Variants in KIAA1210 observed in about 807,000 individuals in gnomAD.
The protein encoded by KIAA1210 is acrosomal protein KIAA1210.
Under a neutral mutation model 78.9 loss-of-function variants are expected in KIAA1210, and 48 were observed. That is an observed-to-expected ratio of 0.61 (90% CI 0.48 to 0.77). The LOEUF is 0.77. Among genes scored for constraint, KIAA1210 ranks in the 30% least tolerant of loss-of-function variants. KIAA1210 has a pLI of 0.00. For missense variants in KIAA1210, 1,108 were observed against 1,100.0 expected, an observed-to-expected ratio of 1.01 and a Z score of -0.10; for synonymous variants, 406 against 404.5, an observed-to-expected ratio of 1.00 and a Z score of -0.04.
At chrX:119,125,732 TATA>T (rs1375692096) in intron 1 of KIAA1210, among the ~76,000 whole-genome samples, 11 of 8,671 alleles carry the variant, frequency 1.3e-3, no homozygotes, top group African/African-American at 1.7e-3. Flanking sequence ...TATATATATA[TATA>T]TTTTTTTTTT....
At chrX:119,084,287 G>T (rs1032709986) in intron 10 of KIAA1210, among the ~76,000 whole-genome samples, 2 of 110,948 alleles carry the variant, frequency 1.8e-5, no homozygotes, top group African/African-American at 6.6e-5. Context: ...TCCACATGTG[G>T]TAGTTAGCCT....
chrX:119,109,945 A>T (rs1272497438), intron 3 of KIAA1210, among the ~76,000 whole-genome samples: 1 of 111,981 alleles, frequency 8.9e-6, no homozygotes, highest in Non-Finnish European at 1.9e-5. Context: ...TGATAATTAC[A>T]TGTTAAGAAA....
In KIAA1210 at chrX:119,078,714, C is replaced by T. The variant is rs1280537870; in HGVS notation, c.*2615G>A. The T allele has an allele frequency of 2.7e-5, 3 of 112,679 alleles. No homozygotes were observed. The highest frequency in any genetic ancestry group is 9.7e-5 in the African/African-American group (3 of 31,062). The allele number at this position is 112,679 out of a possible 1,213,427, so 9.3% of individuals were successfully genotyped here. On this transcript the variant is annotated 3_prime_UTR_variant, in exon 12 of 12. Transcript: ENST00000691062. ...GAAGTAGAAAAGTTGTCAGAATATG[C>T]CTTTAGGCATTTAAAAAGAACTTAA...
intron 7 of KIAA1210, among the ~76,000 whole-genome samples, chrX:119,094,279 T>C (rs988620612): frequency 1.8e-5 from 2 of 112,036 alleles, no homozygotes; most frequent in African/African-American, 6.5e-5. Context: ...GGGGTTTTGT[T>C]GGGAGGGAAA....
chrX:119,081,593 C>T, intron 11 of KIAA1210, 89 bp from the exon 12 acceptor site: 2 of 920,949 alleles, frequency 2.2e-6, no homozygotes, highest in South Asian at 5.3e-5. Flanking sequence ...AATGTTTCCT[C>T]CTTTCAGGTT....
In KIAA1210 at chrX:119,126,725, C is replaced by T. The variant is rs184812746; in HGVS notation, c.-11+1002G>A. Reference sequence around the variant, plus strand: ...ATGGCTTTACCCTTGGCATTCCTGTCTCTGCTAGTTTTCCAAGATCTGGAG... The same window carrying T: ...ATGGCTTTACCCTTGGCATTCCTGTTTCTGCTAGTTTTCCAAGATCTGGAG... On this transcript the variant is annotated intron_variant, in intron 1 of 11. Transcript: ENST00000691062. 3.5e-3 allele frequency among the ~76,000 whole-genome samples: 390 copies of T among 112,159 alleles called. 2 individuals carry two copies. The highest frequency in any genetic ancestry group is 0.012 in the African/African-American group (375 of 30,866).
rs1041290283 is a variant in KIAA1210 at position 119,081,304 on chromosome X, T to C, written c.*25A>G. 1.1e-6 allele frequency: 1 copy of C among 941,952 alleles called. No individual in the cohort carries two copies. Among genetic ancestry groups the C allele is most frequent in the South Asian group, 2.7e-5 (1 of 36,568 alleles). 77.6% of individuals were successfully genotyped at this position (941,952 alleles called of 1,213,427 possible). A position where few individuals can be genotyped will look rare whatever the true frequency, so the allele number is the denominator to read the frequency against. On this transcript the variant is annotated 3_prime_UTR_variant, in exon 12 of 12. Coordinates refer to ENST00000691062, the MANE Select transcript of KIAA1210 (RefSeq NM_001394962.1). ...AAAAAAAAAAACTAAATAAAATAAATGCTGATGCTCCACACAAGAGCTCTT... is the reference window on the plus strand; with the variant it reads ...AAAAAAAAAAACTAAATAAAATAAACGCTGATGCTCCACACAAGAGCTCTT...
intron 5 of KIAA1210, among the ~76,000 whole-genome samples, chrX:119,105,769 T>C (rs1315858065): frequency 8.9e-6 from 1 of 111,859 alleles, no homozygotes; most frequent in Non-Finnish European, 1.9e-5. Context: ...AATTTATCAT[T>C]TGGGCTTTCC....
At chrX:119,099,105 AC>A (rs1927654454) in intron 6 of KIAA1210, among the ~76,000 whole-genome samples, 2 of 112,812 alleles carry the variant, frequency 1.8e-5, no homozygotes, top group Non-Finnish European at 3.7e-5. Context: ...AGAACACCGT[AC>A]AACTTGCTTT....
At chrX:119,119,834 G>A (rs1043182477) in intron 2 of KIAA1210, among the ~76,000 whole-genome samples, 40 of 110,540 alleles carry the variant, frequency 3.6e-4, no homozygotes, top group Middle Eastern at 4.6e-3. Flanking sequence ...AAATTAGCTG[G>A]GCGCGGTGGC....
chrX:119,099,445 A>G (rs1040969516), intron 6 of KIAA1210, among the ~76,000 whole-genome samples: 4 of 112,438 alleles, frequency 3.6e-5, no homozygotes, highest in African/African-American at 6.5e-5. Flanking sequence ...GTCTAAACAC[A>G]GACCCACATC....
Position 119,088,070 on chromosome X carries a change from G to C in KIAA1210, c.2632C>G (p.Leu878Val). 8.3e-7 allele frequency: 1 copy of C among 1,211,548 alleles called. No individual in the cohort carries two copies. Among genetic ancestry groups the C allele is most frequent in the Non-Finnish European group, 1.1e-6 (1 of 895,359 alleles). Residue 878 changes from leucine to valine, a missense_variant, in exon 9 of 12, where the codon CTT becomes GTT. By Grantham distance (32) the Leu-to-Val change is conservative. Around this residue, in one of 5 missense-constraint regions of KIAA1210, gnomAD observed 179 missense variants for 174.1 expected, o/e 1.03. Coordinates refer to ENST00000691062, the MANE Select transcript of KIAA1210 (RefSeq NM_001394962.1). ...TYVEPLPPRC[L>V]SQPSERPKFL... ...TTAGGCCTCTCCGAGGGCTGGGAAAGGCATCTGGGAGGCAGCGGTTCCACA... is the reference window on the plus strand; with the variant it reads ...TTAGGCCTCTCCGAGGGCTGGGAAACGCATCTGGGAGGCAGCGGTTCCACA...
intron 8 of KIAA1210, among the ~76,000 whole-genome samples, chrX:119,092,799 A>ATAAATAAG (rs1476062386): frequency 9.2e-6 from 1 of 108,854 alleles, no homozygotes; most frequent in Non-Finnish European, 1.9e-5. Flanking sequence ...AAATAAATAA[A>ATAAATAAG]TAAAAATAAA....
chrX:119,089,376 TC>T lies in KIAA1210; in HGVS notation c.1325del (p.Gly442GlufsTer7). ...QGLLSDKDDM[G>X]RRNAGIDFGS... is the part of the protein sequence containing the mutation. ...CGAAATCTATGCCAGCATTTCTCCTTCCCATGTCATCTTTATCTGAAAGCAA... is the reference window on the plus strand; with the variant it reads ...CGAAATCTATGCCAGCATTTCTCCTTCCATGTCATCTTTATCTGAAAGCAA... On this transcript the variant is annotated frameshift_variant, in exon 9 of 12. Transcript: ENST00000691062. LOFTEE classifies it high-confidence loss of function. The T allele has an allele frequency of 8.3e-7, 1 of 1,211,635 alleles. No individual in the cohort carries two copies. The highest frequency in any genetic ancestry group is 1.1e-6 in the Non-Finnish European group (1 of 895,406).
chrX:119,100,328 TAAAAA>T (rs35969490), intron 6 of KIAA1210, among the ~76,000 whole-genome samples: 1 of 46,529 alleles, frequency 2.1e-5, no homozygotes, highest in Non-Finnish European at 3.5e-5. Flanking sequence ...AGACTGTCTT[TAAAAA>T]AAAAAAAAAA....
At chrX:119,123,939 G>A (rs992832650) in intron 1 of KIAA1210, among the ~76,000 whole-genome samples, 1 of 111,723 alleles carries the variant, frequency 9.0e-6, no homozygotes, top group Non-Finnish European at 1.9e-5. Context: ...GTTTTGGTGG[G>A]GGGGGCGTTG....
intron 6 of KIAA1210, among the ~76,000 whole-genome samples, chrX:119,099,177 G>T (rs1354846822): frequency 8.9e-6 from 1 of 112,771 alleles, no homozygotes; most frequent in Non-Finnish European, 1.9e-5. Context: ...TAAATATAAA[G>T]AACTTTCAAT....
chrX:119,117,389 G>GA (rs1556001944), intron 2 of KIAA1210, among the ~76,000 whole-genome samples: 1,960 of 110,814 alleles, frequency 0.018, 53 homozygotes, highest in African/African-American at 0.062. Flanking sequence ...GTGTGTGTGT[G>GA]TGATGATGAT....
At chrX:119,122,528 T>G (rs1359305564) in intron 2 of KIAA1210, among the ~76,000 whole-genome samples, 1 of 112,525 alleles carries the variant, frequency 8.9e-6, no homozygotes, top group Non-Finnish European at 1.9e-5. Context: ...GGCATTTCGT[T>G]GCTACCACTC....
Sources: gnomAD v4.1 joint callset for allele counts (sites outside exome capture counted in the v4.1 genomes callset) on GRCh38, gnomAD v4.1.1 for gene constraint, gnomAD v4.1.1 regional missense constraint, MANE v1.5 for transcripts, NCBI Gene and HGNC (gene_info 2026-07-23, HGNC 2026-07-21) for gene names.